The following CHSY1 variants were observed in gnomAD, a reference collection of about 807,000 sequenced individuals.
The protein encoded by CHSY1 is N-acetylgalactosaminyl-proteoglycan 3-beta-glucuronosyltransferase 1.
In CHSY1, 13 loss-of-function variants were observed where a neutral mutation model predicts 59.8. That is an observed-to-expected ratio of 0.22 (90% CI 0.14 to 0.35). The LOEUF (loss-of-function observed/expected upper bound fraction) is 0.35. CHSY1 is among the 10% of genes least tolerant of loss of function. CHSY1 has a pLI of 1.00. For missense variants in CHSY1, 947 were observed against 1,030.6 expected, an observed-to-expected ratio of 0.92 and a Z score of 1.11; for synonymous variants, 459 against 401.2, an observed-to-expected ratio of 1.14 and a Z score of -1.72.
At chr15:101,233,665 A>C (rs1015695945) in intron 2 of CHSY1, among the ~76,000 whole-genome samples, 1 of 152,212 alleles carries the variant, frequency 6.6e-6, no homozygotes, top group African/African-American at 2.4e-5. Flanking sequence ...TAAGGCACAC[A>C]GGGATTGAAG....
intron 2 of CHSY1, among the ~76,000 whole-genome samples, chr15:101,206,729 A>G (rs7181342): frequency 7.9e-5 from 12 of 152,288 alleles, no homozygotes; most frequent in African/African-American, 2.2e-4. Flanking sequence ...TTGTCATTTT[A>G]TTTTCCCTAC....
intron 2 of CHSY1, among the ~76,000 whole-genome samples, chr15:101,217,989 C>T (rs997510365): frequency 3.9e-5 from 6 of 152,324 alleles, no homozygotes; most frequent in East Asian, 3.9e-4. Context: ...ACCATGCTGA[C>T]GGTACGTACC....
In CHSY1 at chr15:101,177,539, G is replaced by C. The variant is rs1187863973; in HGVS notation, c.2258C>G (p.Pro753Arg). 2.5e-6 allele frequency: 4 copies of C among 1,613,586 alleles called. No individual in the cohort carries two copies. The East Asian group carries it at 8.9e-5, about 36-fold the overall frequency. Residue 753 changes from proline to arginine, a missense_variant, in exon 3 of 3, where the codon CCC becomes CGC. Pro to Arg is a moderately radical substitution (Grantham distance 103). This residue lies in a region of CHSY1 where 602 missense variants were observed against 676.9 expected (regional missense o/e 0.89). Transcript: ENST00000254190. ...TTTGTACTGTTTGGGGTCAAGATTG[G>C]GATCACAAAAGACAGGATGGTGGAC... ...VHVHHPVFCD[P>R]NLDPKQYKMC... is the part of the protein sequence containing the mutation.
At chr15:101,201,258 C>T (rs1482240605) in intron 2 of CHSY1, among the ~76,000 whole-genome samples, 4 of 152,178 alleles carry the variant, frequency 2.6e-5, no homozygotes, top group Non-Finnish European at 5.9e-5. Context: ...TGGCAAAAAT[C>T]CACTACATAA....
At chr15:101,182,492 T>C (rs2038294201) in intron 2 of CHSY1, among the ~76,000 whole-genome samples, 1 of 152,240 alleles carries the variant, frequency 6.6e-6, no homozygotes, top group Non-Finnish European at 1.5e-5. Flanking sequence ...ATCTTAGTCC[T>C]CTGGGTTTAC....
chr15:101,247,083 C>T (rs1397995363), intron 1 of CHSY1, among the ~76,000 whole-genome samples: 2 of 152,198 alleles, frequency 1.3e-5, no homozygotes, highest in East Asian at 1.9e-4. Flanking sequence ...ACCCCAGCTA[C>T]CCACCTCCTT....
At chr15:101,185,568 C>A (rs2038349448) in intron 2 of CHSY1, among the ~76,000 whole-genome samples, 1 of 113,826 alleles carries the variant, frequency 8.8e-6, no homozygotes, top group Non-Finnish European at 1.8e-5. Flanking sequence ...CCTTCCCCGC[C>A]TTCCCAGGTA....
intron 2 of CHSY1, among the ~76,000 whole-genome samples, chr15:101,196,748 G>T (rs753913980): frequency 2.6e-5 from 4 of 152,218 alleles, no homozygotes; most frequent in Non-Finnish European, 4.4e-5. Context: ...TATAGGCTGG[G>T]CATGGTGGCT....
At chr15:101,179,211 GC>G (rs2038241616) in intron 2 of CHSY1, among the ~76,000 whole-genome samples, 1 of 152,162 alleles carries the variant, frequency 6.6e-6, no homozygotes, top group Non-Finnish European at 1.5e-5. Flanking sequence ...ACTTTCACAG[GC>G]AAACAGAATT....
At chr15:101,206,142 T>G (rs1018151077) in intron 2 of CHSY1, among the ~76,000 whole-genome samples, 3 of 152,170 alleles carry the variant, frequency 2.0e-5, no homozygotes, top group African/African-American at 7.2e-5. Flanking sequence ...AATTTCAAAC[T>G]CCAATCTCTG....
Position 101,205,216 on chromosome 15 carries a change from A to G in CHSY1, c.817-26236T>C, listed in dbSNP as rs572162951. 3.3e-5 allele frequency among the ~76,000 whole-genome samples: 5 copies of G among 152,032 alleles called. No individual in the cohort carries two copies. In the South Asian group the frequency reaches 8.3e-4, roughly 25 times the overall value. On this transcript the variant is annotated intron_variant, in intron 2 of 2. Transcript: ENST00000254190. The stretch of plus-strand genomic sequence containing the variant: ...CTTGAGGTTTCCTGGACAAAACCCT[A>G]TTACTATTTCTGTCTCTAATTCATC...
intron 2 of CHSY1, among the ~76,000 whole-genome samples, chr15:101,230,558 A>C (rs1412839488): frequency 6.6e-6 from 1 of 152,198 alleles, no homozygotes; most frequent in Non-Finnish European, 1.5e-5. Flanking sequence ...ATTTTTTTTA[A>C]AAAAAGAAAC....
chr15:101,243,824 G>A (rs1233748965), intron 1 of CHSY1, among the ~76,000 whole-genome samples: 4 of 152,216 alleles, frequency 2.6e-5, no homozygotes, highest in African/African-American at 9.6e-5. Flanking sequence ...GCCACATTCT[G>A]TGTCTGGATC....
chr15:101,196,057 T>C (rs1269049915), intron 2 of CHSY1, among the ~76,000 whole-genome samples: 1 of 151,974 alleles, frequency 6.6e-6, no homozygotes, highest in East Asian at 1.9e-4. Flanking sequence ...GAGATCAGCT[T>C]GGCTAACGTG....
chr15:101,192,563 T>C (rs1409702701), intron 2 of CHSY1, among the ~76,000 whole-genome samples: 2 of 152,182 alleles, frequency 1.3e-5, no homozygotes, highest in Non-Finnish European at 2.9e-5. Flanking sequence ...CAAGGGGACT[T>C]TCAAATACAG....
chr15:101,229,667 G>C (rs2038873722), intron 2 of CHSY1, among the ~76,000 whole-genome samples: 1 of 152,158 alleles, frequency 6.6e-6, no homozygotes, highest in Non-Finnish European at 1.5e-5. Flanking sequence ...AGCATTTTGG[G>C]AGGCTGAAGC....
chr15:101,223,491 CAA>C (rs2038810936), intron 2 of CHSY1, among the ~76,000 whole-genome samples: 1 of 152,214 alleles, frequency 6.6e-6, no homozygotes, highest in African/African-American at 2.4e-5. Context: ...AACCCCCTGC[CAA>C]AAGTCCTTTG....
chr15:101,180,079 A>G (rs2038255246), intron 2 of CHSY1, among the ~76,000 whole-genome samples: 1 of 152,176 alleles, frequency 6.6e-6, no homozygotes, highest in Non-Finnish European at 1.5e-5. Flanking sequence ...ATTCTGGCTG[A>G]CTGGTTTATT....
At position 101,176,396 on chromosome 15, in the gene CHSY1, A is replaced by G. The variant is rs920848673; in HGVS notation, c.*992T>C. 6 of 398,488 alleles carry G rather than the reference A, an allele frequency of 1.5e-5. No homozygotes were observed. Among genetic ancestry groups the G allele is most frequent in the Non-Finnish European group, 2.7e-5 (6 of 226,056 alleles). 24.7% of individuals were successfully genotyped at this position (398,488 alleles called of 1,614,324 possible). ...TGTGTGTATGTTTCAGTCTGTGTAC[A>G]TCAGATTTATTGTAATAATTCATCT... On this transcript the variant is annotated 3_prime_UTR_variant, in exon 3 of 3. Coordinates refer to ENST00000254190, the MANE Select transcript of CHSY1 (RefSeq NM_014918.5).
Sources: gnomAD v4.1 joint callset for allele counts (sites outside exome capture counted in the v4.1 genomes callset) on GRCh38, gnomAD v4.1.1 for gene constraint, gnomAD v4.1.1 regional missense constraint, MANE v1.5 for transcripts, NCBI Gene and HGNC (gene_info 2026-07-23, HGNC 2026-07-21) for gene names.